TSPAN18: variants seen among roughly 807,000 people sequenced by gnomAD.
TSPAN18 encodes tetraspanin-18.
In TSPAN18, 14 loss-of-function variants were observed where a neutral mutation model predicts 27.3. The ratio of observed to expected loss-of-function variants is 0.51; its 90% confidence interval spans 0.34 to 0.80. TSPAN18 has a LOEUF of 0.80. Among genes scored for constraint, TSPAN18 ranks in the 30% least tolerant of loss-of-function variants. TSPAN18 has a pLI of 0.01. For synonymous variants in TSPAN18, 143 were observed against 136.5 expected, an observed-to-expected ratio of 1.05 and a Z score of -0.33; for missense variants, 268 against 323.9, an observed-to-expected ratio of 0.83 and a Z score of 1.32.
At position 44,754,691 on chromosome 11, in the gene TSPAN18, T is replaced by A. The variant is rs1353196411; in HGVS notation, c.-239-9735T>A. 2.0e-5 allele frequency among the ~76,000 whole-genome samples: 3 copies of A among 152,226 alleles called. No individual in the cohort carries two copies. The East Asian group carries it at 5.8e-4, about 29-fold the overall frequency. On this transcript the variant is annotated intron_variant, in intron 1 of 9. Coordinates refer to ENST00000520358, the MANE Select transcript of TSPAN18 (RefSeq NM_130783.5). The stretch of plus-strand genomic sequence containing the variant: ...GCTGGAGTTAATGAGTGCCGTGGCT[T>A]GGGCAGCTTTGGCTCTGTGACTGTG...
intron 3 of TSPAN18, among the ~76,000 whole-genome samples, chr11:44,900,086 C>G (rs546154640): frequency 1.1e-4 from 16 of 152,338 alleles, no homozygotes; most frequent in African/African-American, 3.8e-4. Context: ...AAGTTAACTT[C>G]TAGAAGTCAT....
At chr11:44,730,349 T>A (rs1854621866) in intron 1 of TSPAN18, among the ~76,000 whole-genome samples, 1 of 152,144 alleles carries the variant, frequency 6.6e-6, no homozygotes, top group African/African-American at 2.4e-5. Context: ...GACCTCTCCC[T>A]TTCCAGAGGG....
At chr11:44,872,339 G>A (rs570535397) in intron 3 of TSPAN18, among the ~76,000 whole-genome samples, 2 of 152,264 alleles carry the variant, frequency 1.3e-5, no homozygotes, top group Non-Finnish European at 2.9e-5. Context: ...ATGAAGTCAC[G>A]TTGGGGGTTA....
intron 2 of TSPAN18, among the ~76,000 whole-genome samples, chr11:44,848,084 T>C (rs1289103583): frequency 6.6e-6 from 1 of 152,112 alleles, no homozygotes; most frequent in Non-Finnish European, 1.5e-5. Context: ...CATTTGCCCA[T>C]CTCAGCTTCC....
chr11:44,907,238 C>T (rs1305894399), intron 4 of TSPAN18, among the ~76,000 whole-genome samples: 1 of 152,202 alleles, frequency 6.6e-6, no homozygotes, highest in Non-Finnish European at 1.5e-5. Flanking sequence ...AGGCTCTGCT[C>T]AGACTCATGG....
chr11:44,883,812 G>A lies in TSPAN18; in HGVS notation c.-10-22595G>A, dbSNP rs140005597. ...GATGCTGGAGAGACTGCCTAGGTTC[G>A]GATGCCAGCTTAATCACTGTGTGAC... On this transcript the variant is annotated intron_variant, in intron 3 of 9. Coordinates refer to ENST00000520358, the MANE Select transcript of TSPAN18 (RefSeq NM_130783.5). Among the ~76,000 whole-genome samples the A allele has an allele frequency of 8.2e-3, 1,252 of 152,322 alleles. 23 individuals carry two copies. Among genetic ancestry groups the A allele is most frequent in the African/African-American group, 0.028 (1,171 of 41,564 alleles).
At chr11:44,814,817 GCTGCTAAAA>G (rs1199606996) in intron 2 of TSPAN18, among the ~76,000 whole-genome samples, 1 of 152,168 alleles carries the variant, frequency 6.6e-6, no homozygotes, top group Non-Finnish European at 1.5e-5. Context: ...GATAGAGCAG[GCTGCTAAAA>G]CTAAAGAAAG....
At chr11:44,831,794 G>C (rs890406413) in intron 2 of TSPAN18, among the ~76,000 whole-genome samples, 1 of 152,186 alleles carries the variant, frequency 6.6e-6, no homozygotes, top group Non-Finnish European at 1.5e-5. Flanking sequence ...CAGTGGTTAG[G>C]CCGAGAAGGC....
chr11:44,775,595 G>T (rs1349635564), intron 2 of TSPAN18, among the ~76,000 whole-genome samples: 1 of 152,108 alleles, frequency 6.6e-6, no homozygotes, highest in Non-Finnish European at 1.5e-5. Context: ...TCCCTCTAGT[G>T]GCGGGGGTGG....
chr11:44,761,681 C>T (rs539195141), intron 1 of TSPAN18, among the ~76,000 whole-genome samples: 15 of 152,322 alleles, frequency 9.8e-5, no homozygotes, highest in African/African-American at 2.2e-4. Context: ...AGCTCCTTCC[C>T]GGCATGGCTG....
chr11:44,852,145 T>C (rs1170166135), intron 2 of TSPAN18, among the ~76,000 whole-genome samples: 1 of 152,244 alleles, frequency 6.6e-6, no homozygotes, highest in Non-Finnish European at 1.5e-5. Context: ...GAGTACTGTA[T>C]GCCATGTTCA....
chr11:44,858,456 T>A (rs1206480858), intron 2 of TSPAN18, among the ~76,000 whole-genome samples: 1 of 152,220 alleles, frequency 6.6e-6, no homozygotes, highest in Non-Finnish European at 1.5e-5. Flanking sequence ...GGGTCCGTGA[T>A]CCCCTTTCAC....
At chr11:44,812,503 C>T (rs950959892) in intron 2 of TSPAN18, among the ~76,000 whole-genome samples, 4 of 152,126 alleles carry the variant, frequency 2.6e-5, no homozygotes, top group African/African-American at 7.2e-5. Flanking sequence ...GGGGATGACG[C>T]ATAAACAGAC....
chr11:44,871,385 C>T (rs1858191081), intron 3 of TSPAN18, among the ~76,000 whole-genome samples: 1 of 152,128 alleles, frequency 6.6e-6, no homozygotes, highest in Non-Finnish European at 1.5e-5. Flanking sequence ...AGGGCTCCAT[C>T]CTCATGACCT....
chr11:44,834,066 T>C (rs1205285349), intron 2 of TSPAN18, among the ~76,000 whole-genome samples: 1 of 151,754 alleles, frequency 6.6e-6, no homozygotes, highest in East Asian at 1.9e-4. Flanking sequence ...GCGATCAGCT[T>C]TTGTTTCCAA....
intron 3 of TSPAN18, among the ~76,000 whole-genome samples, chr11:44,888,344 C>G (rs1858729490): frequency 1.3e-5 from 2 of 152,204 alleles, no homozygotes; most frequent in African/African-American, 4.8e-5. Context: ...AATTCACCCA[C>G]TTTTCAGGTG....
At chr11:44,839,746 TG>T (rs1238140671) in intron 2 of TSPAN18, among the ~76,000 whole-genome samples, 1 of 151,956 alleles carries the variant, frequency 6.6e-6, no homozygotes, top group South Asian at 2.1e-4. Context: ...GTAAGTGTTG[TG>T]GGGCAGAAGC....
At chr11:44,821,750 C>G (rs2135122588) in intron 2 of TSPAN18, among the ~76,000 whole-genome samples, 1 of 152,328 alleles carries the variant, frequency 6.6e-6, no homozygotes, top group East Asian at 1.9e-4. Context: ...ACAACATTGT[C>G]TAGCACACAC....
intron 2 of TSPAN18, among the ~76,000 whole-genome samples, chr11:44,785,200 GA>G: frequency 6.6e-6 from 1 of 152,242 alleles, no homozygotes; most frequent in Non-Finnish European, 1.5e-5. Flanking sequence ...ACAATACACT[GA>G]ATACATGAGT....
Sources: gnomAD v4.1 joint callset for allele counts (sites outside exome capture counted in the v4.1 genomes callset) on GRCh38, gnomAD v4.1.1 for gene constraint, MANE v1.5 for transcripts, NCBI Gene and HGNC (gene_info 2026-07-23, HGNC 2026-07-21) for gene names.